NLGN1: variants seen among roughly 807,000 people sequenced by gnomAD.
NLGN1 encodes neuroligin 1.
NLGN1 carries 12 observed loss-of-function variants against 65.5 expected under a neutral mutation model. The observed-to-expected ratio is 0.18, with a 90% CI of 0.12 to 0.30. The LOEUF is 0.30. Among genes scored for constraint, NLGN1 ranks in the 10% least tolerant of loss-of-function variants. The probability of loss-of-function intolerance (pLI) is 1.00; values close to 1 mark genes in which losing one functional copy is unlikely to be tolerated. For missense variants in NLGN1, 750 were observed against 1,007.1 expected (o/e 0.74, Z 3.46); for synonymous variants, 350 against 359.5 (o/e 0.97, Z 0.30).
At chr3:173,513,768 G>C (rs1013175189) in intron 2 of NLGN1, among the ~76,000 whole-genome samples, 1 of 152,154 alleles carries the variant, frequency 6.6e-6, no homozygotes, top group Admixed American at 6.5e-5. Context: ...GCTCACACCT[G>C]TAATCCCAGC....
At chr3:173,946,177 C>T (rs1243374811) in intron 4 of NLGN1, among the ~76,000 whole-genome samples, 1 of 152,108 alleles carries the variant, frequency 6.6e-6, no homozygotes, top group South Asian at 2.1e-4. Flanking sequence ...AGAAGTAATA[C>T]ACGTTCAGTG....
intron 4 of NLGN1, among the ~76,000 whole-genome samples, chr3:173,981,160 CAT>C (rs1279837465): frequency 6.6e-6 from 1 of 152,116 alleles, no homozygotes; most frequent in Non-Finnish European, 1.5e-5. Flanking sequence ...TGGGCTTCCT[CAT>C]GTGGGAATAA....
At chr3:173,644,045 C>T (rs1054654776) in intron 3 of NLGN1, among the ~76,000 whole-genome samples, 1 of 152,166 alleles carries the variant, frequency 6.6e-6, no homozygotes, top group Non-Finnish European at 1.5e-5. Flanking sequence ...GCACCAAGGA[C>T]CAGCCAACAA....
At chr3:173,499,763 T>A (rs1730701769) in intron 2 of NLGN1, among the ~76,000 whole-genome samples, 2 of 151,966 alleles carry the variant, frequency 1.3e-5, no homozygotes, top group South Asian at 4.1e-4. Flanking sequence ...CTTGAAGAGA[T>A]CCTTCACATC....
chr3:173,841,147 T>TTG (rs145205282), intron 4 of NLGN1, among the ~76,000 whole-genome samples: 134 of 149,996 alleles, frequency 8.9e-4, no homozygotes, highest in Middle Eastern at 3.4e-3. Flanking sequence ...ATATCTATAG[T>TTG]TATATATATA....
At chr3:173,816,561 A>G (rs900905481) in intron 4 of NLGN1, among the ~76,000 whole-genome samples, 4 of 152,260 alleles carry the variant, frequency 2.6e-5, no homozygotes, top group Admixed American at 6.5e-5. Context: ...CTGCATTATA[A>G]CAGCTCACTT....
chr3:173,893,798 T>G (rs2152137733), intron 4 of NLGN1, among the ~76,000 whole-genome samples: 1 of 152,346 alleles, frequency 6.6e-6, no homozygotes, highest in Middle Eastern at 3.4e-3. Flanking sequence ...TTTCCTCTGC[T>G]TAAAATTCTG....
At chr3:173,658,663 A>G (rs1279589300) in intron 3 of NLGN1, among the ~76,000 whole-genome samples, 1 of 151,964 alleles carries the variant, frequency 6.6e-6, no homozygotes, top group Non-Finnish European at 1.5e-5. Flanking sequence ...TGGTTCATTC[A>G]AAGCTTGCTG....
At chr3:174,119,917 T>A (rs1188069351) in intron 4 of NLGN1, among the ~76,000 whole-genome samples, 3 of 152,232 alleles carry the variant, frequency 2.0e-5, no homozygotes, top group African/African-American at 7.2e-5. Flanking sequence ...TATTTATTTA[T>A]CTTTGTTTTT....
At chr3:174,080,896 G>A (rs1560995141) in intron 4 of NLGN1, among the ~76,000 whole-genome samples, 1 of 148,130 alleles carries the variant, frequency 6.8e-6, no homozygotes, top group South Asian at 2.1e-4. Flanking sequence ...ACCATCATTT[G>A]AATTTGATGG....
At chr3:173,400,405 G>C (rs773002139) in intron 1 of NLGN1, among the ~76,000 whole-genome samples, 1 of 152,046 alleles carries the variant, frequency 6.6e-6, no homozygotes, top group Non-Finnish European at 1.5e-5. Context: ...TTAAAACACT[G>C]TCCTCCTGGC....
At chr3:173,505,916 T>C (rs1458946139) in intron 2 of NLGN1, among the ~76,000 whole-genome samples, 3 of 152,106 alleles carry the variant, frequency 2.0e-5, no homozygotes, top group Non-Finnish European at 4.4e-5. Flanking sequence ...ATTTGCCTGT[T>C]ACAGAATTTG....
intron 4 of NLGN1, among the ~76,000 whole-genome samples, chr3:173,895,980 G>T (rs756635345): frequency 1.3e-5 from 2 of 152,140 alleles, no homozygotes; most frequent in South Asian, 2.1e-4. Context: ...ATGAGGCACC[G>T]CACCTGGCCT....
intron 1 of NLGN1, among the ~76,000 whole-genome samples, chr3:173,428,277 A>G (rs1349522304): frequency 6.6e-6 from 1 of 151,696 alleles, no homozygotes; most frequent in Non-Finnish European, 1.5e-5. Context: ...TATTACATTC[A>G]GTGTTATTAT....
intron 4 of NLGN1, among the ~76,000 whole-genome samples, chr3:173,958,526 A>G (rs1281473741): frequency 6.6e-6 from 1 of 152,116 alleles, no homozygotes; most frequent in Non-Finnish European, 1.5e-5. Context: ...CAGTGAGGTC[A>G]TCCCATTTTC....
rs539429315 is a variant in NLGN1 at position 174,089,976 on chromosome 3, GTTTAT to G, written c.647-185334_647-185330del. 4.0e-4 allele frequency among the ~76,000 whole-genome samples: 61 copies of G among 151,550 alleles called. 2 individuals carry two copies. Among genetic ancestry groups the G allele is most frequent in the Admixed American group, 3.2e-3 (48 of 15,208 alleles). ...ACAATCACTATATCTAGAGTTATCA[GTTTAT>G]TTTAACTCATTAACTCTTTATCAGC... On this transcript the variant is annotated intron_variant, in intron 4 of 6. Coordinates refer to ENST00000457714, the Ensembl canonical transcript of NLGN1.
At chr3:173,960,263 G>T (rs894731789) in intron 4 of NLGN1, among the ~76,000 whole-genome samples, 4 of 151,634 alleles carry the variant, frequency 2.6e-5, no homozygotes, top group Non-Finnish European at 4.4e-5. Flanking sequence ...TGAATTGATT[G>T]GTTAGTTCAC....
At chr3:173,519,245 T>G (rs1454482996) in intron 2 of NLGN1, among the ~76,000 whole-genome samples, 2 of 152,202 alleles carry the variant, frequency 1.3e-5, no homozygotes, top group Non-Finnish European at 2.9e-5. Context: ...GGTAGGGCCC[T>G]CATGGAGAAC....
At chr3:174,219,786 A>G (rs138855428) in intron 4 of NLGN1, among the ~76,000 whole-genome samples, 1 of 152,288 alleles carries the variant, frequency 6.6e-6, no homozygotes, top group East Asian at 1.9e-4. Context: ...CAGAGCTGAA[A>G]GCAAAGACCA....
Sources: allele counts gnomAD v4.1 joint callset (sites outside exome capture counted in the v4.1 genomes callset), GRCh38; gene constraint gnomAD v4.1.1; transcripts MANE v1.5; gene names NCBI Gene and HGNC (gene_info 2026-07-23, HGNC 2026-07-21).